Variants in VWA2 observed in about 807,000 individuals in gnomAD.
VWA2 encodes the protein von Willebrand factor A domain-containing protein 2.
Under a neutral mutation model 70.4 loss-of-function variants are expected in VWA2, and 73 were observed. The observed-to-expected ratio is 1.04, with a 90% CI of 0.86 to 1.26. The LOEUF (loss-of-function observed/expected upper bound fraction) is 1.26, where lower values mean the gene tolerates loss of function less well. Ranked by LOEUF, VWA2 falls within the 50% of genes most tolerant of loss-of-function variation. The pLI is 0.00. For synonymous variants in VWA2, 407 were observed against 423.3 expected (o/e 0.96, Z 0.47); for missense variants, 1,011 against 998.5 (o/e 1.01, Z -0.17).
At chr10:114,275,765 TAAC>T (rs1392815075) in intron 6 of VWA2, among the ~76,000 whole-genome samples, 1 of 151,896 alleles carries the variant, frequency 6.6e-6, no homozygotes, top group Non-Finnish European at 1.5e-5. Context: ...CTATCTCTAC[TAAC>T]AATATAAAAA....
At chr10:114,285,205 G>C (rs972245523) in intron 10 of VWA2, among the ~76,000 whole-genome samples, 2 of 152,202 alleles carry the variant, frequency 1.3e-5, no homozygotes, top group African/African-American at 4.8e-5. Context: ...ATTAGCTGCA[G>C]AATGGTCACT....
chr10:114,265,091 A>G (rs537647005), intron 5 of VWA2, among the ~76,000 whole-genome samples: 4 of 152,232 alleles, frequency 2.6e-5, no homozygotes, highest in Non-Finnish European at 2.9e-5. Context: ...AGTCATTGCC[A>G]GGGGCTGACG....
At chr10:114,260,540 A>G (rs1028242333) in intron 4 of VWA2, among the ~76,000 whole-genome samples, 1 of 152,168 alleles carries the variant, frequency 6.6e-6, no homozygotes, top group Non-Finnish European at 1.5e-5. Flanking sequence ...GTGATGAGTT[A>G]TCAGTGATGG....
rs781235341 is a variant in VWA2, at chr10:114,289,127, C to T, written c.1760C>T (p.Thr587Ile). ...GTGCAGACTGCCTTCGGGCTGGACA[C>T]CAAACCCACCCGGGCTGCGATGCTG... ...SQVQTAFGLD[T>I]KPTRAAMLRA... Residue 587 changes from threonine to isoleucine, a missense_variant, in exon 12 of 14, where the codon ACC (threonine) becomes ATC (isoleucine). By Grantham distance (89) the Thr-to-Ile change is moderately conservative. Coordinates refer to ENST00000392982, the MANE Select transcript of VWA2 (RefSeq NM_001272046.2). The T allele has an allele frequency of 6.2e-7, 1 of 1,614,064 alleles. No individual in the cohort carries two copies. Among genetic ancestry groups the T allele is most frequent in the Non-Finnish European group, 8.5e-7 (1 of 1,180,012 alleles).
In VWA2 at chr10:114,239,408, G is replaced by T. The variant is rs1397818609; in HGVS notation, c.-172G>T. On this transcript the variant is annotated 5_prime_UTR_variant, in exon 1 of 14. Transcript: ENST00000392982. Reference sequence around the variant, plus strand: ...GTTCCTCCGACCTCAGCCGGGTCGGGTCGTGCCGCCCTCTCCCAGGAGAGA... The same window carrying T: ...GTTCCTCCGACCTCAGCCGGGTCGGTTCGTGCCGCCCTCTCCCAGGAGAGA... 1 of 152,408 alleles carries T rather than the reference G, an allele frequency of 6.6e-6. No homozygotes were observed. Among genetic ancestry groups the T allele is most frequent in the South Asian group, 2.1e-4 (1 of 4,836 alleles). 9.4% of individuals were successfully genotyped at this position (152,408 alleles called of 1,614,324 possible). A position where few individuals can be genotyped will look rare whatever the true frequency, so the allele number is the denominator to read the frequency against.
chr10:114,264,621 G>A (rs1386139793), intron 5 of VWA2, among the ~76,000 whole-genome samples: 6 of 152,012 alleles, frequency 3.9e-5, no homozygotes, highest in South Asian at 2.1e-4. Context: ...GGGTTTCACC[G>A]TTTTAGCCAG....
chr10:114,281,669 TG>T, intron 8 of VWA2: 1 of 927,298 alleles, frequency 1.1e-6, no homozygotes, highest in Non-Finnish European at 1.3e-6. Flanking sequence ...ACTTGTTGTG[TG>T]GACCAGATAG....
At chr10:114,249,754 G>A (rs950219099) in intron 2 of VWA2, among the ~76,000 whole-genome samples, 3 of 152,208 alleles carry the variant, frequency 2.0e-5, no homozygotes, top group South Asian at 2.1e-4. Flanking sequence ...CAGCATTTGG[G>A]TTGACTCCAT....
At chr10:114,255,189 G>A in intron 4 of VWA2, 141 bp downstream of exon 4, 7 of 974,322 alleles carry the variant, frequency 7.2e-6, no homozygotes, top group Non-Finnish European at 1.1e-5. Context: ...CTGGCATGGT[G>A]GGATCCAAGG....
intron 1 of VWA2, among the ~76,000 whole-genome samples, chr10:114,247,863 G>A (rs2037106540): frequency 6.6e-6 from 1 of 152,056 alleles, no homozygotes. Flanking sequence ...GGGCCCCTGG[G>A]TTCATGTAGG....
rs2039877184 is a variant in VWA2, at chr10:114,294,381, C to T, written c.*3144C>T. Among the ~76,000 whole-genome samples, 1 of 152,006 alleles carries T rather than the reference C, an allele frequency of 6.6e-6. No individual in the cohort carries two copies. The highest frequency in any genetic ancestry group is 6.6e-5 in the Admixed American group (1 of 15,258). On this transcript the variant is annotated 3_prime_UTR_variant, in exon 14 of 14. Coordinates refer to ENST00000392982, the MANE Select transcript of VWA2 (RefSeq NM_001272046.2). Reference sequence around the variant, plus strand: ...ATCTTGTCAGTATCTGTATTAAGGCCTCCATTTCAGTTCTGCTATTTCATA... The same window carrying T: ...ATCTTGTCAGTATCTGTATTAAGGCTTCCATTTCAGTTCTGCTATTTCATA...
intron 2 of VWA2, among the ~76,000 whole-genome samples, chr10:114,250,644 T>G (rs551434204): frequency 6.6e-6 from 1 of 152,358 alleles, no homozygotes; most frequent in East Asian, 1.9e-4. Context: ...TCAGAAATGC[T>G]GGTGGAAGTT....
At chr10:114,271,059 C>T (rs564859213) in intron 5 of VWA2, among the ~76,000 whole-genome samples, 1 of 152,228 alleles carries the variant, frequency 6.6e-6, no homozygotes, top group East Asian at 1.9e-4. Context: ...CTCCGAATTC[C>T]TATTATTTGT....
chr10:114,241,523 T>C (rs1382713170), intron 1 of VWA2, among the ~76,000 whole-genome samples: 1 of 152,198 alleles, frequency 6.6e-6, no homozygotes, highest in Non-Finnish European at 1.5e-5. Context: ...CCCTCCTGGC[T>C]TTTTAATGAG....
chr10:114,254,891 A>T, intron 3 of VWA2, 24 bp from the exon 4 acceptor site: 1 of 1,603,990 alleles, frequency 6.2e-7, no homozygotes. Context: ...CCTGGTTGTC[A>T]TCTGTCTGTC....
At chr10:114,275,209 G>A (rs2037806709) in intron 6 of VWA2, among the ~76,000 whole-genome samples, 1 of 152,178 alleles carries the variant, frequency 6.6e-6, no homozygotes. Flanking sequence ...ACTAAAGAGC[G>A]GCCAGTAAGG....
At chr10:114,243,236 C>A (rs764955563) in intron 1 of VWA2, among the ~76,000 whole-genome samples, 1 of 152,324 alleles carries the variant, frequency 6.6e-6, no homozygotes, top group Non-Finnish European at 1.5e-5. Context: ...TCTCCCTAAC[C>A]CTCCAGGGAG....
intron 4 of VWA2, among the ~76,000 whole-genome samples, 194 bp downstream of exon 4, chr10:114,255,242 T>TC (rs1375854851): frequency 2.6e-5 from 4 of 151,620 alleles, no homozygotes; most frequent in East Asian, 3.9e-4. Context: ...TTTTTTTTTT[T>TC]CCCTTCTCTC....
At chr10:114,246,229 G>T in intron 1 of VWA2, 1 of 940,854 alleles carries the variant, frequency 1.1e-6, no homozygotes, top group South Asian at 1.3e-5. Context: ...GGCTGGGCAT[G>T]GTGGCTCACG....
Sources: gnomAD v4.1 joint callset for allele counts (sites outside exome capture counted in the v4.1 genomes callset) on GRCh38, gnomAD v4.1.1 for gene constraint, MANE v1.5 for transcripts, NCBI Gene and HGNC (gene_info 2026-07-23, HGNC 2026-07-21) for gene names.